RELN: variants seen among roughly 807,000 people sequenced by gnomAD.
The protein encoded by RELN is reelin.
In RELN, 108 loss-of-function variants were observed where a neutral mutation model predicts 427.6. That is an observed-to-expected ratio of 0.25 (90% confidence interval 0.22 to 0.30). The LOEUF is 0.30. Among genes scored for constraint, RELN ranks in the 10% least tolerant of loss-of-function variants. The pLI is 1.00. For synonymous variants in RELN, 1,524 were observed against 1,513.4 expected (o/e 1.01, Z -0.16); for missense variants, 3,715 against 4,302.8 (o/e 0.86, Z 3.82).
chr7:103,732,601 T>A lies in RELN; in HGVS notation c.657-4394A>T, dbSNP rs199553900. 2.6e-4 allele frequency among the ~76,000 whole-genome samples: 39 copies of A among 152,202 alleles called. No individual in the cohort carries two copies. The South Asian group carries it at 7.9e-3, about 31-fold the overall frequency. On this transcript the variant is annotated intron_variant, in intron 6 of 64. Coordinates refer to ENST00000428762, the MANE Select transcript of RELN (RefSeq NM_005045.4). ...GTGGTCATGGCTTCCAAGAAGAGAA[T>A]AGTGATCCATGTGAAAGACGAGATG...
At chr7:103,558,716 G>A (rs930475670) in intron 36 of RELN, among the ~76,000 whole-genome samples, 1 of 152,182 alleles carries the variant, frequency 6.6e-6, no homozygotes, top group African/African-American at 2.4e-5. Flanking sequence ...AACTCGAAAG[G>A]TTCTTTTCTT....
chr7:103,908,630 A>G (rs989029954), intron 2 of RELN, among the ~76,000 whole-genome samples: 1 of 152,172 alleles, frequency 6.6e-6, no homozygotes, highest in Non-Finnish European at 1.5e-5. Flanking sequence ...TTAATTCAAT[A>G]GCTGTATATT....
intron 1 of RELN, among the ~76,000 whole-genome samples, chr7:103,952,116 G>C (rs960515832): frequency 2.6e-5 from 4 of 152,176 alleles, no homozygotes; most frequent in African/African-American, 9.7e-5. Flanking sequence ...ATTTAGGTTG[G>C]GTGCCATTGG....
intron 4 of RELN, among the ~76,000 whole-genome samples, chr7:103,771,455 C>T (rs568416849): frequency 1.3e-5 from 2 of 152,274 alleles, no homozygotes; most frequent in South Asian, 4.2e-4. Context: ...GAATGCATTG[C>T]CTCCGCAGCA....
At chr7:103,511,923 G>A (rs1272454328) in intron 50 of RELN, among the ~76,000 whole-genome samples, 1 of 152,160 alleles carries the variant, frequency 6.6e-6, no homozygotes, top group Admixed American at 6.5e-5. Flanking sequence ...ATCACCACAA[G>A]CAGGGCACCA....
intron 1 of RELN, among the ~76,000 whole-genome samples, chr7:103,957,642 C>G (rs1262623061): frequency 6.6e-6 from 1 of 152,134 alleles, no homozygotes; most frequent in Non-Finnish European, 1.5e-5. Context: ...CCTGGTGATG[C>G]CTGCTCATCC....
intron 46 of RELN, among the ~76,000 whole-genome samples, chr7:103,523,975 CT>C (rs1171427863): frequency 2.0e-5 from 3 of 152,302 alleles, no homozygotes; most frequent in East Asian, 3.9e-4. Flanking sequence ...CTGTGCCTGG[CT>C]GGCCATTATT....
rs114620008 is a variant in RELN at position 103,611,752 on chromosome 7, T to C, written c.2754A>G (p.Gln918=). The change falls in exon 21 of 65, where the codon CAA becomes CAG. Residue 918 remains glutamine (Q), a synonymous_variant. Coordinates refer to ENST00000428762, the MANE Select transcript of RELN (RefSeq NM_005045.4). ...LASSMRYVET[Q]SMQIGASYMI... is the part of the protein sequence containing the mutation. Reference sequence around the variant, plus strand: ...TATAGGATGCTCCTATCTGCATTGATTGTGTTTCCACATAGCGCATACTTG... The same window carrying C: ...TATAGGATGCTCCTATCTGCATTGACTGTGTTTCCACATAGCGCATACTTG... 99 of 1,614,038 alleles carry C rather than the reference T, an allele frequency of 6.1e-5. No homozygotes were observed. The African/African-American group carries it at 1.2e-3, about 19-fold the overall frequency.
At chr7:103,724,812 G>GA (rs926905069) in intron 7 of RELN, among the ~76,000 whole-genome samples, 64 of 139,020 alleles carry the variant, frequency 4.6e-4, no homozygotes, top group East Asian at 2.9e-3. Context: ...AAAGATGAAG[G>GA]AAAAAAAAAA....
At position 103,497,978 on chromosome 7, in the gene RELN, C is replaced by G. The variant is rs527564067; in HGVS notation, c.8844-52G>C. On this transcript the variant is annotated intron_variant, in intron 54 of 64. Coordinates refer to ENST00000428762, the MANE Select transcript of RELN (RefSeq NM_005045.4). Reference sequence around the variant, plus strand: ...AGAATAATTCATTAGAACAAATACTCTACTCAAGTCCTGGATAATTTCTTC... The same window carrying G: ...AGAATAATTCATTAGAACAAATACTGTACTCAAGTCCTGGATAATTTCTTC... The G allele has an allele frequency of 1.7e-4, 278 of 1,600,726 alleles. 1 individual carries two copies. Among genetic ancestry groups the G allele is most frequent in the Non-Finnish European group, 2.3e-4 (267 of 1,168,284 alleles).
In RELN at chr7:103,574,255, T is replaced by TCTC. The variant is rs1830947233; in HGVS notation, c.4345_4347dup (p.Glu1449dup). Reference sequence around the variant, plus strand: ...AGCTTCCCCTCAAACCTATCGAACATCTCATTGTGATTGGGGACATTTGAC... The same window carrying TCTC: ...AGCTTCCCCTCAAACCTATCGAACATCTCCTCATTGTGATTGGGGACATTTGAC... On this transcript the variant is annotated inframe_insertion, in exon 30 of 65. Coordinates refer to ENST00000428762, the MANE Select transcript of RELN (RefSeq NM_005045.4). 6.2e-7 allele frequency: 1 copy of TCTC among 1,614,058 alleles called. No homozygotes were observed. Among genetic ancestry groups the TCTC allele is most frequent in the Non-Finnish European group, 8.5e-7 (1 of 1,179,998 alleles).
At chr7:103,687,786 T>C (rs1002083786) in intron 10 of RELN, among the ~76,000 whole-genome samples, 4 of 152,162 alleles carry the variant, frequency 2.6e-5, no homozygotes, top group Admixed American at 2.6e-4. Flanking sequence ...AGGCAAAAGA[T>C]GCATTAGGCA....
At chr7:103,554,776 G>A (rs1190195879) in intron 38 of RELN, among the ~76,000 whole-genome samples, 1 of 152,066 alleles carries the variant, frequency 6.6e-6, no homozygotes, top group East Asian at 1.9e-4. Flanking sequence ...TGGTTTAGGG[G>A]AATCTGTGAG....
At chr7:103,964,160 A>AAAT (rs950016844) in intron 1 of RELN, among the ~76,000 whole-genome samples, 1 of 151,924 alleles carries the variant, frequency 6.6e-6, no homozygotes, top group Non-Finnish European at 1.5e-5. Context: ...CCCTGTCTCG[A>AAAT]AATAATAATA....
In RELN at chr7:103,619,899, T is replaced by C. The variant is rs2299350; in HGVS notation, c.2703-8096A>G. 7.7e-4 allele frequency among the ~76,000 whole-genome samples: 117 copies of C among 152,240 alleles called. No homozygotes were observed. In the South Asian group the frequency reaches 0.012, roughly 15 times the overall value. ...GTTTGTGTGTGTGTGTGTGTGTTTG[T>C]AGATGAGTTGTCAGGGGCAACACTT... On this transcript the variant is annotated intron_variant, in intron 20 of 64. Transcript: ENST00000428762.
chr7:103,578,154 A>G (rs1049707457), intron 28 of RELN, among the ~76,000 whole-genome samples: 1 of 152,178 alleles, frequency 6.6e-6, no homozygotes, highest in African/African-American at 2.4e-5. Context: ...TATAGTTTTT[A>G]TAGTTTTTAT....
intron 2 of RELN, among the ~76,000 whole-genome samples, chr7:103,841,202 T>C (rs1427510165): frequency 6.6e-6 from 1 of 152,202 alleles, no homozygotes; most frequent in Non-Finnish European, 1.5e-5. Flanking sequence ...GCATCCATTG[T>C]TACAAAATGT....
chr7:103,785,442 A>G (rs1176903493), intron 3 of RELN, among the ~76,000 whole-genome samples: 3 of 152,172 alleles, frequency 2.0e-5, no homozygotes, highest in Admixed American at 6.6e-5. Flanking sequence ...AAAGTATTTA[A>G]GTATCACATT....
chr7:103,786,897 A>G (rs1442522734), intron 3 of RELN, among the ~76,000 whole-genome samples: 6 of 152,190 alleles, frequency 3.9e-5, no homozygotes, highest in African/African-American at 1.4e-4. Flanking sequence ...AACAGAATAT[A>G]CATTCTTCTC....
Sources: allele counts gnomAD v4.1 joint callset (sites outside exome capture counted in the v4.1 genomes callset), GRCh38; gene constraint gnomAD v4.1.1; transcripts MANE v1.5; gene names NCBI Gene and HGNC (gene_info 2026-07-23, HGNC 2026-07-21).